ANKRD6: variants seen among roughly 807,000 people sequenced by gnomAD.
ANKRD6 encodes ankyrin repeat domain-containing protein 6.
In ANKRD6, 56 loss-of-function variants were observed where a neutral mutation model predicts 82.3. The observed-to-expected ratio is 0.68, with a 90% CI of 0.55 to 0.85. ANKRD6 has a LOEUF of 0.85. Ranked by LOEUF, ANKRD6 falls within the 40% of genes least tolerant of loss-of-function variation. The pLI, the probability that ANKRD6 is intolerant of heterozygous loss-of-function variation, is 0.00. For missense variants in ANKRD6, 852 were observed against 907.6 expected (o/e 0.94, Z 0.79); for synonymous variants, 347 against 352.1 (o/e 0.99, Z 0.16).
chr6:89,618,298 G>C, intron 9 of ANKRD6: 2 of 639,742 alleles, frequency 3.1e-6, no homozygotes, highest in Non-Finnish European at 5.6e-6. Flanking sequence ...TAGTTTCCCA[G>C]CTACTCAGCC....
chr6:89,510,399 C>T (rs867092213), intron 1 of ANKRD6, among the ~76,000 whole-genome samples: 1 of 150,126 alleles, frequency 6.7e-6, no homozygotes, highest in Non-Finnish European at 1.5e-5. Flanking sequence ...TTTTTTTTAG[C>T]CTCATTGGGA....
chr6:89,573,878 G>C (rs1790504334), intron 2 of ANKRD6, among the ~76,000 whole-genome samples: 1 of 152,136 alleles, frequency 6.6e-6, no homozygotes, highest in Admixed American at 6.5e-5. Context: ...TCAGGACTCA[G>C]CTCAGGAGCC....
intron 2 of ANKRD6, among the ~76,000 whole-genome samples, chr6:89,592,996 C>T (rs930711802): frequency 2.6e-5 from 4 of 152,184 alleles, no homozygotes; most frequent in African/African-American, 9.7e-5. Flanking sequence ...ATTGCTTGAA[C>T]CTAGAAGGCA....
At chr6:89,439,925 G>A (rs1004413919) in intron 1 of ANKRD6, among the ~76,000 whole-genome samples, 23 of 152,250 alleles carry the variant, frequency 1.5e-4, no homozygotes, top group East Asian at 7.7e-4. Flanking sequence ...TTGAACTCCT[G>A]ACCTCAAGTG....
chr6:89,552,165 G>A (rs148776871), intron 1 of ANKRD6, among the ~76,000 whole-genome samples: 23 of 152,342 alleles, frequency 1.5e-4, no homozygotes, highest in African/African-American at 5.1e-4. Context: ...GATATAACCA[G>A]GATTAGGGAG....
At chr6:89,511,410 C>G (rs908216862) in intron 1 of ANKRD6, among the ~76,000 whole-genome samples, 1 of 152,206 alleles carries the variant, frequency 6.6e-6, no homozygotes, top group African/African-American at 2.4e-5. Context: ...TCTGGGTACC[C>G]TGTTTGCCTT....
At chr6:89,611,276 G>A (rs1800187439) in intron 5 of ANKRD6, among the ~76,000 whole-genome samples, 1 of 152,042 alleles carries the variant, frequency 6.6e-6, no homozygotes, top group African/African-American at 2.4e-5. Flanking sequence ...TGAACTAGGT[G>A]AGGGAGAAGC....
chr6:89,506,545 C>T (rs1046837105), intron 1 of ANKRD6, among the ~76,000 whole-genome samples: 2 of 152,144 alleles, frequency 1.3e-5, no homozygotes, highest in East Asian at 1.9e-4. Context: ...GAACTCCTGA[C>T]GTCAAGCGAT....
At chr6:89,476,393 T>C (rs1180489752) in intron 1 of ANKRD6, among the ~76,000 whole-genome samples, 1 of 152,194 alleles carries the variant, frequency 6.6e-6, no homozygotes, top group Non-Finnish European at 1.5e-5. Flanking sequence ...TTCGCCATGT[T>C]GGCCAGGCTG....
At chr6:89,538,810 T>A (rs554413931) in intron 1 of ANKRD6, among the ~76,000 whole-genome samples, 40 of 151,964 alleles carry the variant, frequency 2.6e-4, no homozygotes, top group African/African-American at 9.4e-4. Flanking sequence ...AAAAAAAAAA[T>A]GTGAATTTGA....
intron 1 of ANKRD6, among the ~76,000 whole-genome samples, chr6:89,444,846 T>C (rs1162056855): frequency 6.6e-6 from 1 of 152,090 alleles, no homozygotes; most frequent in Non-Finnish European, 1.5e-5. Flanking sequence ...CGCACACCTG[T>C]AGTCCCAGCT....
chr6:89,609,231 C>G (rs1230261845), intron 5 of ANKRD6, among the ~76,000 whole-genome samples: 1 of 152,194 alleles, frequency 6.6e-6, no homozygotes, highest in South Asian at 2.1e-4. Context: ...GCTCACAGCT[C>G]AGGAGGTGGG....
At chr6:89,562,317 CACTGTGCTGGA>C (rs1339224329) in intron 1 of ANKRD6, 2 of 152,270 alleles carry the variant, frequency 1.3e-5, no homozygotes, top group African/African-American at 4.8e-5. Flanking sequence ...CTGCCGCAGT[CACTGTGCTGGA>C]ACTCTCTGCC....
At chr6:89,506,731 C>T (rs1779910781) in intron 1 of ANKRD6, among the ~76,000 whole-genome samples, 1 of 152,212 alleles carries the variant, frequency 6.6e-6, no homozygotes, top group South Asian at 2.1e-4. Flanking sequence ...CCAGAGAAGG[C>T]CTCTGCTTCA....
At chr6:89,568,925 AT>A (rs1789141211) in intron 2 of ANKRD6, among the ~76,000 whole-genome samples, 1 of 143,666 alleles carries the variant, frequency 7.0e-6, no homozygotes, top group Non-Finnish European at 1.5e-5. Context: ...AATTTTATAT[AT>A]ATATAATTTT....
intron 1 of ANKRD6, among the ~76,000 whole-genome samples, chr6:89,437,715 A>G (rs1363986905): frequency 6.6e-6 from 1 of 152,222 alleles, no homozygotes; most frequent in Non-Finnish European, 1.5e-5. Flanking sequence ...GAGCTATAGA[A>G]TTTACACAGT....
At chr6:89,557,992 A>G (rs899791219) in intron 1 of ANKRD6, among the ~76,000 whole-genome samples, 1 of 152,084 alleles carries the variant, frequency 6.6e-6, no homozygotes, top group Non-Finnish European at 1.5e-5. Context: ...TTATTTCATC[A>G]TATATTATAA....
intron 1 of ANKRD6, among the ~76,000 whole-genome samples, chr6:89,487,470 G>A (rs1582871336): frequency 6.6e-6 from 1 of 152,132 alleles, no homozygotes; most frequent in East Asian, 1.9e-4. Context: ...TTTCTTTCCA[G>A]GAAGCTTGTC....
chr6:89,464,693 G>A (rs1774619680), intron 1 of ANKRD6, among the ~76,000 whole-genome samples: 1 of 152,212 alleles, frequency 6.6e-6, no homozygotes, highest in African/African-American at 2.4e-5. Flanking sequence ...CTATTTGGAA[G>A]TAAAATGGAA....
Sources: allele counts gnomAD v4.1 joint callset (sites outside exome capture counted in the v4.1 genomes callset), GRCh38; gene constraint gnomAD v4.1.1; transcripts MANE v1.5; gene names NCBI Gene and HGNC (gene_info 2026-07-23, HGNC 2026-07-21).